Variants in TMEM132D observed in about 807,000 individuals in gnomAD.
TMEM132D encodes the protein transmembrane protein 132D.
In TMEM132D, 21 loss-of-function variants were observed where a neutral mutation model predicts 62.3. That is an observed-to-expected ratio of 0.34 (90% CI 0.24 to 0.49). The LOEUF (loss-of-function observed/expected upper bound fraction) is 0.49, where lower values mean the gene tolerates loss of function less well. TMEM132D is among the 20% of genes least tolerant of loss of function. The probability of loss-of-function intolerance (pLI) is 0.99; values close to 1 mark genes in which losing one functional copy is unlikely to be tolerated. For synonymous variants in TMEM132D, 621 were observed against 575.6 expected (o/e 1.08, Z -1.13); for missense variants, 1,346 against 1,402.8 (o/e 0.96, Z 0.65).
At chr12:129,283,785 C>T (rs1881222256) in intron 4 of TMEM132D, among the ~76,000 whole-genome samples, 1 of 152,184 alleles carries the variant, frequency 6.6e-6, no homozygotes, top group South Asian at 2.1e-4. Flanking sequence ...TGCTTCTGTT[C>T]TCTCCCTCAC....
At chr12:129,846,884 T>C (rs1012240941) in intron 1 of TMEM132D, among the ~76,000 whole-genome samples, 1 of 152,262 alleles carries the variant, frequency 6.6e-6, no homozygotes, top group African/African-American at 2.4e-5. Context: ...AAATCCACTA[T>C]GAAAATTCCA....
intron 2 of TMEM132D, among the ~76,000 whole-genome samples, chr12:129,625,981 A>G (rs1879201082): frequency 6.6e-6 from 1 of 152,182 alleles, no homozygotes; most frequent in Non-Finnish European, 1.5e-5. Flanking sequence ...AATTCACAGT[A>G]GCAGCAGGTG....
At chr12:129,133,191 C>T (rs1479417114) in intron 5 of TMEM132D, among the ~76,000 whole-genome samples, 1 of 152,120 alleles carries the variant, frequency 6.6e-6, no homozygotes. Context: ...GATAAGAACA[C>T]CTAACATGAG....
intron 1 of TMEM132D, among the ~76,000 whole-genome samples, chr12:129,756,294 G>C (rs1055319212): frequency 6.6e-6 from 1 of 152,044 alleles, no homozygotes; most frequent in Non-Finnish European, 1.5e-5. Context: ...TAATAAAGAA[G>C]AGAAAAACAA....
At chr12:129,437,232 G>A (rs1391206179) in intron 3 of TMEM132D, among the ~76,000 whole-genome samples, 6 of 152,116 alleles carry the variant, frequency 3.9e-5, no homozygotes, top group Non-Finnish European at 7.4e-5. Context: ...AGTTGGGAAC[G>A]GAGCAACTAT....
intron 3 of TMEM132D, among the ~76,000 whole-genome samples, chr12:129,359,343 C>T (rs1870175452): frequency 6.6e-6 from 1 of 151,994 alleles, no homozygotes; most frequent in African/African-American, 2.4e-5. Flanking sequence ...GATGGTGGTA[C>T]AACATTATGA....
At chr12:129,250,001 T>TGGGCG in intron 4 of TMEM132D, among the ~76,000 whole-genome samples, 1 of 151,574 alleles carries the variant, frequency 6.6e-6, no homozygotes, top group East Asian at 1.9e-4. Context: ...GTAGAGGAGG[T>TGGGCG]GGGCGTACCC....
chr12:129,644,614 A>G (rs183132930), intron 2 of TMEM132D, among the ~76,000 whole-genome samples: 152 of 152,220 alleles, frequency 1.0e-3, no homozygotes, highest in Non-Finnish European at 1.4e-3. Context: ...AGAGAGTACT[A>G]TATGTAACCA....
intron 5 of TMEM132D, among the ~76,000 whole-genome samples, chr12:129,166,769 A>G (rs1680457364): frequency 1.2e-4 from 1 of 8,122 alleles, no homozygotes; most frequent in Admixed American, 2.1e-3. Flanking sequence ...ACACATATAT[A>G]TATATACATA....
chr12:129,673,675 T>G (rs555164205), intron 2 of TMEM132D, among the ~76,000 whole-genome samples: 18 of 152,140 alleles, frequency 1.2e-4, no homozygotes, highest in Non-Finnish European at 2.1e-4. Flanking sequence ...AAGAACCATA[T>G]TGACGATTTC....
intron 3 of TMEM132D, among the ~76,000 whole-genome samples, chr12:129,516,247 C>T (rs1875670610): frequency 6.6e-6 from 1 of 152,200 alleles, no homozygotes. Context: ...GGGGATCTGA[C>T]CCAACTCCAA....
intron 1 of TMEM132D, among the ~76,000 whole-genome samples, chr12:129,791,736 T>C (rs1871405350): frequency 6.6e-6 from 1 of 152,192 alleles, no homozygotes; most frequent in Non-Finnish European, 1.5e-5. Context: ...AATTACTAAA[T>C]GAATGTCTCC....
chr12:129,604,441 G>A (rs565004631), intron 2 of TMEM132D, among the ~76,000 whole-genome samples: 1 of 152,104 alleles, frequency 6.6e-6, no homozygotes, highest in Non-Finnish European at 1.5e-5. Flanking sequence ...ATGAATAAAG[G>A]TGCTATAAAC....
At chr12:129,654,279 CGTGTGTGTGTGTGTGTGAGTGTGT>C (rs958133757) in intron 2 of TMEM132D, among the ~76,000 whole-genome samples, 2 of 105,416 alleles carry the variant, frequency 1.9e-5, no homozygotes, top group South Asian at 9.3e-4. Flanking sequence ...CTCACTCTCT[CGTGTGTGTGTGTGTGTGAGTGTGT>C]GTGTGTGTGT....
chr12:129,113,230 T>A (rs926044654), intron 5 of TMEM132D: 1 of 152,170 alleles, frequency 6.6e-6, no homozygotes, highest in Non-Finnish European at 1.5e-5. Flanking sequence ...GTTGGAGGGA[T>A]GGATTTGAGA....
chr12:129,840,852 T>C (rs1246532236), intron 1 of TMEM132D, among the ~76,000 whole-genome samples: 4 of 152,230 alleles, frequency 2.6e-5, no homozygotes, highest in Non-Finnish European at 4.4e-5. Context: ...TCGAATGCAA[T>C]GGTTGCTTAA....
At chr12:129,385,567 T>C (rs1871087182) in intron 3 of TMEM132D, among the ~76,000 whole-genome samples, 1 of 152,234 alleles carries the variant, frequency 6.6e-6, no homozygotes, top group East Asian at 1.9e-4. Flanking sequence ...CTGGTTGATT[T>C]GCAAGAGAAT....
intron 3 of TMEM132D, among the ~76,000 whole-genome samples, chr12:129,375,870 T>C (rs1481325312): frequency 1.3e-5 from 2 of 152,064 alleles, no homozygotes; most frequent in Non-Finnish European, 2.9e-5. Context: ...AAGCTGAGAG[T>C]TTTACAAACT....
intron 1 of TMEM132D, among the ~76,000 whole-genome samples, chr12:129,891,260 C>T (rs1874914569): frequency 6.6e-6 from 1 of 152,168 alleles, no homozygotes; most frequent in South Asian, 2.1e-4. Flanking sequence ...ATTCTGGGTC[C>T]TCCTCACTGA....
Sources: allele counts gnomAD v4.1 joint callset (sites outside exome capture counted in the v4.1 genomes callset), GRCh38; gene constraint gnomAD v4.1.1; transcripts MANE v1.5; gene names NCBI Gene and HGNC (gene_info 2026-07-23, HGNC 2026-07-21).